Variants in PARD3 observed in about 807,000 individuals in gnomAD.
PARD3 encodes par-3 family cell polarity regulator, also known as partitioning defective 3 homolog.
Under a neutral mutation model 155.4 loss-of-function variants are expected in PARD3, and 75 were observed. The observed-to-expected ratio is 0.48, with a 90% CI of 0.40 to 0.58. The LOEUF is 0.58. PARD3 is among the 20% of genes least tolerant of loss of function. The probability of loss-of-function intolerance (pLI) is 0.00; values close to 1 mark genes in which losing one functional copy is unlikely to be tolerated. For synonymous variants in PARD3, 576 were observed against 610.5 expected (o/e 0.94, Z 0.83); for missense variants, 1,642 against 1,721.7 (o/e 0.95, Z 0.82).
At chr10:34,476,143 A>T (rs189336221) in intron 3 of PARD3, among the ~76,000 whole-genome samples, 41 of 152,318 alleles carry the variant, frequency 2.7e-4, no homozygotes, top group South Asian at 4.1e-4. Context: ...AAATAAAATT[A>T]AAATTTAAAA....
At chr10:34,427,617 C>G (rs565776118) in intron 5 of PARD3, among the ~76,000 whole-genome samples, 1 of 152,266 alleles carries the variant, frequency 6.6e-6, no homozygotes, top group East Asian at 1.9e-4. Flanking sequence ...GCCCTTAAAG[C>G]ATGTGATCTC....
At chr10:34,634,162 G>A (rs2092383812) in intron 2 of PARD3, among the ~76,000 whole-genome samples, 1 of 152,182 alleles carries the variant, frequency 6.6e-6, no homozygotes, top group African/African-American at 2.4e-5. Context: ...AGAACCCTGG[G>A]AATAGATCCA....
At position 34,605,180 on chromosome 10, in the gene PARD3, A is replaced by ATTTTTTTT. The variant is rs750688603; in HGVS notation, c.223-88029_223-88022dup. 4.8e-5 allele frequency among the ~76,000 whole-genome samples: 3 copies of ATTTTTTTT among 62,430 alleles called. 1 individual carries two copies. The highest frequency in any genetic ancestry group is 1.1e-4 in the African/African-American group (2 of 18,086). The allele number at this position is 62,430 out of a possible 152,430, so 41.0% of individuals were successfully genotyped here. A position where few individuals can be genotyped will look rare whatever the true frequency, so the allele number is the denominator to read the frequency against. On this transcript the variant is annotated intron_variant, in intron 2 of 24. Coordinates refer to ENST00000374788, the MANE Select transcript of PARD3 (RefSeq NM_001184785.2). The stretch of plus-strand genomic sequence containing the variant: ...TGATCTGAAACAGCCCCAAAATGAA[A>ATTTTTTTT]TTTTTTTTTTTTTTTTTTTTTTTTT...
chr10:34,759,130 A>G (rs117883695), intron 1 of PARD3, among the ~76,000 whole-genome samples: 3,118 of 152,338 alleles, frequency 0.02, 56 homozygotes, highest in Middle Eastern at 0.071. Context: ...AAAAAAGAAA[A>G]AAAAACTCAA....
chr10:34,530,408 G>A (rs1171123945), intron 2 of PARD3, among the ~76,000 whole-genome samples: 2 of 152,062 alleles, frequency 1.3e-5, no homozygotes, highest in African/African-American at 2.4e-5. Context: ...TGGTTTTCTG[G>A]CACTGCTTCG....
intron 1 of PARD3, among the ~76,000 whole-genome samples, chr10:34,762,317 G>A (rs912241231): frequency 1.4e-5 from 2 of 142,826 alleles, no homozygotes; most frequent in African/African-American, 5.1e-5. Context: ...AGAGAGAGAT[G>A]GGGTCTCACT....
chr10:34,152,790 T>G (rs1180025906), intron 22 of PARD3, among the ~76,000 whole-genome samples: 1 of 152,168 alleles, frequency 6.6e-6, no homozygotes, highest in Non-Finnish European at 1.5e-5. Context: ...TGGCCGTACA[T>G]AGCACTGAAT....
intron 4 of PARD3, among the ~76,000 whole-genome samples, chr10:34,461,521 G>A (rs1028382974): frequency 2.6e-5 from 4 of 152,062 alleles, no homozygotes; most frequent in East Asian, 1.9e-4. Context: ...CAGGAGTTTC[G>A]CTTGAACCCA....
intron 2 of PARD3, among the ~76,000 whole-genome samples, chr10:34,587,630 G>C (rs1421888528): frequency 1.3e-5 from 2 of 152,084 alleles, no homozygotes; most frequent in Non-Finnish European, 2.9e-5. Context: ...AATCACTGTG[G>C]TGTTGGTGGT....
chr10:34,757,328 C>T (rs538784912), intron 1 of PARD3, among the ~76,000 whole-genome samples: 1 of 152,334 alleles, frequency 6.6e-6, no homozygotes, highest in South Asian at 2.1e-4. Flanking sequence ...TTGCAAATAA[C>T]TGTGAGGTGT....
At chr10:34,399,018 C>A (rs1025035476) in intron 7 of PARD3, among the ~76,000 whole-genome samples, 1 of 152,142 alleles carries the variant, frequency 6.6e-6, no homozygotes, top group Admixed American at 6.5e-5. Context: ...GTTGCAAATT[C>A]ATCTGGAGTT....
intron 1 of PARD3, among the ~76,000 whole-genome samples, chr10:34,792,291 C>G (rs578019326): frequency 6.6e-6 from 1 of 152,214 alleles, no homozygotes; most frequent in African/African-American, 2.4e-5. Flanking sequence ...CGCTGTGTTG[C>G]CCCGGCAGGT....
At chr10:34,788,407 C>A (rs916467479) in intron 1 of PARD3, among the ~76,000 whole-genome samples, 2 of 151,852 alleles carry the variant, frequency 1.3e-5, no homozygotes, top group Non-Finnish European at 2.9e-5. Context: ...ACCGCATCTA[C>A]CACGCAGCCA....
intron 11 of PARD3, among the ~76,000 whole-genome samples, chr10:34,373,987 AT>A (rs1406025752): frequency 6.6e-6 from 1 of 152,146 alleles, no homozygotes; most frequent in Non-Finnish European, 1.5e-5. Context: ...ATACAAATTA[AT>A]TTTTGTTTAG....
chr10:34,119,349 G>C (rs1271247949), intron 24 of PARD3, among the ~76,000 whole-genome samples: 4 of 152,234 alleles, frequency 2.6e-5, no homozygotes, highest in African/African-American at 9.6e-5. Context: ...ATACTAAGAA[G>C]CCAGTACACG....
At chr10:34,783,420 T>C (rs946733373) in intron 1 of PARD3, among the ~76,000 whole-genome samples, 28 of 151,638 alleles carry the variant, frequency 1.8e-4, no homozygotes, top group African/African-American at 3.9e-4. Flanking sequence ...CTGGCTAACA[T>C]GGTGAAACCC....
At chr10:34,727,073 T>C (rs548470217) in intron 1 of PARD3, among the ~76,000 whole-genome samples, 12 of 152,346 alleles carry the variant, frequency 7.9e-5, no homozygotes, top group African/African-American at 2.6e-4. Context: ...ACCATTACAC[T>C]ATCCTTAGAG....
chr10:34,592,534 G>A (rs146578684), intron 2 of PARD3, among the ~76,000 whole-genome samples: 1,671 of 152,274 alleles, frequency 0.011, 43 homozygotes, highest in African/African-American at 0.038. Flanking sequence ...CCAGCACTGT[G>A]GGAGGCCAAG....
chr10:34,135,290 G>A (rs1046380878), intron 22 of PARD3, among the ~76,000 whole-genome samples: 4 of 152,204 alleles, frequency 2.6e-5, no homozygotes, highest in Non-Finnish European at 4.4e-5. Context: ...CATTGGCTTT[G>A]TACCCAACTG....
Sources: gnomAD v4.1 joint callset for allele counts (sites outside exome capture counted in the v4.1 genomes callset) on GRCh38, gnomAD v4.1.1 for gene constraint, MANE v1.5 for transcripts, NCBI Gene and HGNC (gene_info 2026-07-23, HGNC 2026-07-21) for gene names.